DNAH8: variants seen among roughly 807,000 people sequenced by gnomAD.
DNAH8 encodes dynein axonemal heavy chain 8.
Under a neutral mutation model 562.1 loss-of-function variants are expected in DNAH8, and 382 were observed. The ratio of observed to expected loss-of-function variants is 0.68; its 90% confidence interval spans 0.63 to 0.74. The LOEUF (loss-of-function observed/expected upper bound fraction) is 0.74. Ranked by LOEUF, DNAH8 falls within the 30% of genes least tolerant of loss-of-function variation. DNAH8 has a pLI of 0.00. For synonymous variants in DNAH8, 1,881 were observed against 1,919.4 expected, an observed-to-expected ratio of 0.98 and a Z score of 0.52; for missense variants, 5,203 against 5,620.4, an observed-to-expected ratio of 0.93 and a Z score of 2.37.
At chr6:38,944,204 T>C (rs1783670598) in intron 79 of DNAH8, among the ~76,000 whole-genome samples, 1 of 152,210 alleles carries the variant, frequency 6.6e-6, no homozygotes, top group African/African-American at 2.4e-5. Context: ...TTAGCAATAC[T>C]GTTGCTCCAG....
intron 88 of DNAH8, among the ~76,000 whole-genome samples, chr6:38,991,010 TG>T (rs1020226862): frequency 6.6e-5 from 10 of 152,084 alleles, no homozygotes; most frequent in African/African-American, 1.9e-4. Context: ...GCCCTAAGAG[TG>T]GGGCATTCCT....
chr6:39,023,650 T>C (rs1286491434), intron 91 of DNAH8, among the ~76,000 whole-genome samples: 1 of 152,206 alleles, frequency 6.6e-6, no homozygotes, highest in African/African-American at 2.4e-5. Context: ...TTGCTATCAG[T>C]CTACAAGAAA....
At chr6:38,949,088 G>T (rs755627606) in intron 80 of DNAH8, among the ~76,000 whole-genome samples, 3 of 151,996 alleles carry the variant, frequency 2.0e-5, no homozygotes, top group African/African-American at 7.3e-5. Flanking sequence ...GGATAGGGAC[G>T]CTGCTAAACA....
chr6:38,828,332 C>A, intron 30 of DNAH8, 44 bp downstream of exon 30: 1 of 1,217,424 alleles, frequency 8.2e-7, no homozygotes, highest in Non-Finnish European at 1.2e-6. Context: ...AAGTCACTAT[C>A]TCCAGAAAAA....
chr6:38,910,183 A>C (rs1393172094), intron 65 of DNAH8, among the ~76,000 whole-genome samples: 2 of 152,228 alleles, frequency 1.3e-5, no homozygotes, highest in Admixed American at 6.5e-5. Context: ...ACTTAGTCTT[A>C]CCAATGTTTC....
At chr6:38,715,812 ATGTATGCTACC>A (rs1199100157) in intron 1 of DNAH8, among the ~76,000 whole-genome samples, 2 of 108,500 alleles carry the variant, frequency 1.8e-5, no homozygotes, top group Non-Finnish European at 4.9e-5. Flanking sequence ...ATCGCTTGCA[ATGTATGCTACC>A]TGGATGACCC....
In DNAH8 at chr6:38,862,274, T is replaced by C. The variant is rs1768074109; in HGVS notation, c.6132-6T>C. On this transcript the variant is annotated splice_polypyrimidine_tract_variant and splice_region_variant and intron_variant, in intron 43 of 92. Coordinates refer to ENST00000327475, the MANE Select transcript of DNAH8 (RefSeq NM_001206927.2). ...TCACAATGCTTTATTGGATGAACAT[T>C]TGCAGATGCTATATCACGTTAGCTC... is the stretch of plus-strand genomic sequence containing the variant. The C allele has an allele frequency of 6.2e-7, 1 of 1,609,172 alleles. No individual in the cohort carries two copies. Among genetic ancestry groups the C allele is most frequent in the Non-Finnish European group, 8.5e-7 (1 of 1,178,026 alleles).
intron 72 of DNAH8, among the ~76,000 whole-genome samples, 154 bp from the exon 73 acceptor site, chr6:38,923,837 C>T (rs1781906659): frequency 6.6e-6 from 1 of 152,026 alleles, no homozygotes; most frequent in African/African-American, 2.4e-5. Flanking sequence ...GTTTGGGGCT[C>T]CACTTTGCAC....
rs1361427472 is a variant in DNAH8 at position 38,852,792 on chromosome 6, A to T, written c.5565A>T (p.Lys1855Asn). 6.2e-7 allele frequency: 1 copy of T among 1,609,812 alleles called. No homozygotes were observed. The highest frequency in any genetic ancestry group is 1.1e-5 in the South Asian group (1 of 90,764). ...IMAVISREGE[K>N]IVLDNSVMAK... The stretch of plus-strand genomic sequence containing the variant: ...CCGTCATATCAAGAGAAGGAGAAAA[A>T]ATTGTTGTAATTTACCTTGCTTTAA... Residue 1855 changes from lysine (K) to asparagine (N), a missense_variant, in exon 40 of 93, where the codon AAA becomes AAT. Transcript: ENST00000327475.
At chr6:38,937,806 G>T (rs996141039) in intron 77 of DNAH8, among the ~76,000 whole-genome samples, 168 bp from the exon 78 acceptor site, 7 of 152,060 alleles carry the variant, frequency 4.6e-5, no homozygotes, top group African/African-American at 1.4e-4. Context: ...GGTGGTAGTT[G>T]GACTAGAAGC....
Position 38,949,523 on chromosome 6 carries a change from TGG to T in DNAH8, c.12202_12203del (p.Gly4068IlefsTer2). ...DAPEEEIIPD[G>X]YNDSLDTCHK... ...CTCCAGAGGAGGAAATTATCCCTGA[TGG>T]ATATAATGATTCACTAGATACCTGC... On this transcript the variant is annotated frameshift_variant, in exon 81 of 93. Coordinates refer to ENST00000327475, the MANE Select transcript of DNAH8 (RefSeq NM_001206927.2). LOFTEE classifies it high-confidence loss of function. The T allele has an allele frequency of 6.2e-7, 1 of 1,613,176 alleles. No homozygotes were observed. The highest frequency in any genetic ancestry group is 8.5e-7 in the Non-Finnish European group (1 of 1,179,200).
At chr6:38,715,943 TATATATATATA>T (rs1762275072) in intron 1 of DNAH8, among the ~76,000 whole-genome samples, 11 of 26,864 alleles carry the variant, frequency 4.1e-4, no homozygotes, top group African/African-American at 7.5e-4. Context: ...TATATATATA[TATATATATATA>T]TATATATTTT....
intron 22 of DNAH8, among the ~76,000 whole-genome samples, chr6:38,804,056 C>A (rs1240115217): frequency 6.6e-6 from 1 of 152,180 alleles, no homozygotes; most frequent in African/African-American, 2.4e-5. Context: ...TCTGTTCAGG[C>A]AAATTTGTAT....
rs1487850986 is a variant in DNAH8, at chr6:38,890,666, G to GGAT, written c.8489_8491dup (p.Gly2830_Tyr2831insTer). ...TTATCTTTCAGGAATTATTGGATGT[G>GGAT]GATACTTTGATCCTTGTAGAAGTTT... is the stretch of plus-strand genomic sequence containing the variant. On this transcript the variant is annotated stop_gained and inframe_insertion, in exon 58 of 93. Transcript: ENST00000327475. LOFTEE classifies it high-confidence loss of function. The GGAT allele has an allele frequency of 1.2e-6, 2 of 1,611,186 alleles. No individual in the cohort carries two copies. Among genetic ancestry groups the GGAT allele is most frequent in the African/African-American group, 2.7e-5 (2 of 74,926 alleles).
chr6:38,797,759 C>T (rs1352611932), intron 21 of DNAH8, among the ~76,000 whole-genome samples: 1 of 152,158 alleles, frequency 6.6e-6, no homozygotes, highest in East Asian at 1.9e-4. Flanking sequence ...GCACATATTT[C>T]CCACCTTAAA....
At chr6:38,927,725 T>A (rs549168184) in intron 74 of DNAH8, among the ~76,000 whole-genome samples, 86 of 152,276 alleles carry the variant, frequency 5.6e-4, no homozygotes, top group African/African-American at 1.9e-3. Context: ...CCTGTATCAC[T>A]TGGACATGAA....
intron 64 of DNAH8, among the ~76,000 whole-genome samples, chr6:38,909,045 A>G (rs902240955): frequency 1.3e-5 from 2 of 152,154 alleles, no homozygotes; most frequent in African/African-American, 4.8e-5. Flanking sequence ...TTTATAATCA[A>G]TAGAATTTTG....
intron 16 of DNAH8, 122 bp downstream of exon 16, chr6:38,781,495 C>A (rs1046887904): frequency 2.5e-6 from 3 of 1,195,036 alleles, no homozygotes; most frequent in Middle Eastern, 2.5e-4. Flanking sequence ...TTTTACCAGG[C>A]AAGGAAAATT....
intron 8 of DNAH8, among the ~76,000 whole-genome samples, chr6:38,742,697 A>G (rs144953862): frequency 1.3e-5 from 2 of 152,208 alleles, no homozygotes; most frequent in East Asian, 1.9e-4. Context: ...CGAATAAAAC[A>G]AGTCTCTCTT....
Sources: gnomAD v4.1 joint callset for allele counts (sites outside exome capture counted in the v4.1 genomes callset) on GRCh38, gnomAD v4.1.1 for gene constraint, MANE v1.5 for transcripts, NCBI Gene and HGNC (gene_info 2026-07-23, HGNC 2026-07-21) for gene names.